Variants in VNN1 observed in about 807,000 individuals in gnomAD.
The protein encoded by VNN1 is pantetheinase.
In VNN1, 29 loss-of-function variants were observed where a neutral mutation model predicts 41.9. The ratio of observed to expected loss-of-function variants is 0.69; its 90% confidence interval spans 0.52 to 0.94. The LOEUF (loss-of-function observed/expected upper bound fraction) is 0.94, where lower values mean the gene tolerates loss of function less well. Among genes scored for constraint, VNN1 ranks in the 40% least tolerant of loss-of-function variants. The pLI is 0.00. For synonymous variants in VNN1, 233 were observed against 224.4 expected (o/e 1.04, Z -0.34); for missense variants, 637 against 621.1 (o/e 1.03, Z -0.27).
rs538293191 is a variant in VNN1 at position 132,711,916 on chromosome 6, T to C, written c.211-77A>G. On this transcript the variant is annotated intron_variant, in intron 1 of 6. Transcript: ENST00000367928. ...AGCTGAGTGGCTGAGTAACAACTAT[T>C]TGGGCTTCCCCCACACCCCTTAAAT... The C allele has an allele frequency of 6.8e-5, 103 of 1,523,094 alleles. No homozygotes were observed. The East Asian group carries it at 1.1e-3, about 17-fold the overall frequency. The allele number at this position is 1,523,094 out of a possible 1,614,324, so 94.3% of individuals were successfully genotyped here.
chr6:132,697,424 T>G (rs951644858), intron 2 of VNN1, among the ~76,000 whole-genome samples: 1 of 152,162 alleles, frequency 6.6e-6, no homozygotes, highest in African/African-American at 2.4e-5. Context: ...CCAGCTAGTA[T>G]GAAACAATGG....
intron 2 of VNN1, among the ~76,000 whole-genome samples, chr6:132,707,900 A>G (rs113317536): frequency 0.019 from 2,886 of 152,288 alleles, 101 homozygotes; most frequent in African/African-American, 0.066. Context: ...ATAATAACTT[A>G]ATTGTACATT....
chr6:132,706,729 T>C (rs112966542), intron 2 of VNN1, among the ~76,000 whole-genome samples: 1,541 of 152,058 alleles, frequency 0.01, 30 homozygotes, highest in African/African-American at 0.035. Flanking sequence ...AACCCACAGA[T>C]TGGGATAAAA....
rs186893777 is a variant in VNN1, at chr6:132,703,381, T to C, written c.341+8328A>G. Among the ~76,000 whole-genome samples the C allele has an allele frequency of 5.5e-3, 833 of 151,010 alleles. 3 individuals carry two copies. The highest frequency in any genetic ancestry group is 8.5e-3 in the Non-Finnish European group (576 of 67,464). On this transcript the variant is annotated intron_variant, in intron 2 of 6. Coordinates refer to ENST00000367928, the MANE Select transcript of VNN1 (RefSeq NM_004666.3). Reference sequence around the variant, plus strand: ...AGACATAGACAGTATAAGATATAAATAGAAAGTATTAAAAATTAAAAGTAT... The same window carrying C: ...AGACATAGACAGTATAAGATATAAACAGAAAGTATTAAAAATTAAAAGTAT...
intron 2 of VNN1, among the ~76,000 whole-genome samples, chr6:132,706,066 T>C (rs1232048314): frequency 6.6e-6 from 1 of 152,164 alleles, no homozygotes; most frequent in Non-Finnish European, 1.5e-5. Flanking sequence ...AGAATCAATA[T>C]TGTTAAAATG....
At chr6:132,688,735 G>T (rs148574188) in intron 5 of VNN1, among the ~76,000 whole-genome samples, 2 of 151,998 alleles carry the variant, frequency 1.3e-5, no homozygotes, top group African/African-American at 2.4e-5. Context: ...ATAACATATG[G>T]TATATGGTAA....
intron 3 of VNN1, among the ~76,000 whole-genome samples, chr6:132,693,667 G>A (rs756893965): frequency 3.5e-4 from 53 of 152,314 alleles, no homozygotes; most frequent in East Asian, 5.8e-4. Flanking sequence ...TATGTGGTAA[G>A]CAGTTTTTCA....
intron 2 of VNN1, among the ~76,000 whole-genome samples, chr6:132,704,745 C>A (rs968878602): frequency 8.7e-5 from 13 of 148,906 alleles, no homozygotes; most frequent in African/African-American, 3.0e-4. Context: ...AAAAAACATC[C>A]AAAAAAAACT....
At position 132,693,075 on chromosome 6, in the gene VNN1, T is replaced by C; in HGVS notation, c.775A>G (p.Arg259Gly). Reference protein sequence around the residue: ...EFHSAWAMGMRVNFLASNIHY... With the variant: ...EFHSAWAMGMGVNFLASNIHY... ...ATGTTGGATGCAAGGAAATTGACCC[T>C]CATGCCCATAGCCCAAGCTGAGTGG... Residue 259 changes from arginine to glycine, a missense_variant, in exon 4 of 7, where the codon AGG becomes GGG. Coordinates refer to ENST00000367928, the MANE Select transcript of VNN1 (RefSeq NM_004666.3). 1 of 1,613,980 alleles carries C rather than the reference T, an allele frequency of 6.2e-7. No individual in the cohort carries two copies. The highest frequency in any genetic ancestry group is 1.3e-5 in the African/African-American group (1 of 75,036).
chr6:132,690,900 C>T (rs1778272907), intron 5 of VNN1, among the ~76,000 whole-genome samples: 2 of 152,172 alleles, frequency 1.3e-5, no homozygotes, highest in Admixed American at 6.5e-5. Flanking sequence ...CTTAACTCAT[C>T]TGGAGAGGTA....
intron 5 of VNN1, among the ~76,000 whole-genome samples, chr6:132,690,386 C>A (rs953692369): frequency 3.3e-5 from 5 of 152,190 alleles, no homozygotes; most frequent in African/African-American, 7.2e-5. Context: ...CTGTTCCCTG[C>A]AGACCCTGCT....
chr6:132,709,903 A>G (rs536903493), intron 2 of VNN1, among the ~76,000 whole-genome samples: 1 of 152,330 alleles, frequency 6.6e-6, no homozygotes, highest in East Asian at 1.9e-4. Flanking sequence ...AAACTGAAGC[A>G]CTGACATATG....
Position 132,711,711 on chromosome 6 carries a change from G to T in VNN1, c.339C>A (p.Asn113Lys), listed in dbSNP as rs750577769. The T allele has an allele frequency of 2.1e-5, 34 of 1,609,260 alleles. No homozygotes were observed. The highest frequency in any genetic ancestry group is 2.7e-5 in the Non-Finnish European group (32 of 1,178,746). The change falls in exon 2 of 7, where the codon AAC becomes AAA. Residue 113 changes from asparagine to lysine, a missense_variant and splice_region_variant. Coordinates refer to ENST00000367928, the MANE Select transcript of VNN1 (RefSeq NM_004666.3). ...TTTTTCACAAGTTGTTTCTTTACCT[G>T]TTACGATTATTACAGGGGATCCAGT... ...EVNWIPCNNR[N>K]RFGQTPVQER...
At chr6:132,700,101 A>G (rs1183930608) in intron 2 of VNN1, among the ~76,000 whole-genome samples, 3 of 152,228 alleles carry the variant, frequency 2.0e-5, no homozygotes, top group Non-Finnish European at 4.4e-5. Context: ...GAAACTATTC[A>G]TATGTAAGCA....
intron 2 of VNN1, chr6:132,699,463 C>T (rs1778420639): frequency 6.2e-6 from 1 of 161,756 alleles, no homozygotes; most frequent in Admixed American, 6.5e-5. Context: ...AGAATGTCTT[C>T]AGAAACATTC....
Position 132,682,026 on chromosome 6 carries a change from G to A in VNN1, c.*1114C>T, listed in dbSNP as rs1778131787. 2 of 152,204 alleles carry A rather than the reference G, an allele frequency of 1.3e-5. No homozygotes were observed. 9.4% of individuals were successfully genotyped at this position (152,204 alleles called of 1,614,324 possible). On this transcript the variant is annotated 3_prime_UTR_variant, in exon 7 of 7. Transcript: ENST00000367928. ...TATCAGTCAGTTGGGAGATATTTTGGCTTAAATGATGTTGTTTCACTGAGT... is the reference window on the plus strand; with the variant it reads ...TATCAGTCAGTTGGGAGATATTTTGACTTAAATGATGTTGTTTCACTGAGT...
chr6:132,686,358 G>T (rs1310012736), intron 5 of VNN1, among the ~76,000 whole-genome samples: 3 of 152,154 alleles, frequency 2.0e-5, no homozygotes, highest in African/African-American at 7.2e-5. Context: ...TGAGGCAGGA[G>T]AATTGCTTGA....
In VNN1 at chr6:132,692,339, G is replaced by T; in HGVS notation, c.1072C>A (p.Gln358Lys). The T allele has an allele frequency of 1.9e-6, 3 of 1,614,162 alleles. No individual in the cohort carries two copies. The highest frequency in any genetic ancestry group is 1.7e-6 in the Non-Finnish European group (2 of 1,180,016). Residue 358 changes from glutamine (Q) to lysine (K), a missense_variant, in exon 5 of 7, where the codon CAG becomes AAG. Transcript: ENST00000367928. ...CTTAAATGACAGCAGAGATCTTTCT[G>T]ACAAACTGTATAATTTCCTGCAACT... ...TGVAGNYTVC[Q>K]KDLCCHLSYK...
At chr6:132,701,419 T>C (rs895079961) in intron 2 of VNN1, among the ~76,000 whole-genome samples, 2 of 152,206 alleles carry the variant, frequency 1.3e-5, no homozygotes, top group African/African-American at 4.8e-5. Flanking sequence ...ATGGCGTATA[T>C]GTCAGCACCT....
Sources: allele counts gnomAD v4.1 joint callset (sites outside exome capture counted in the v4.1 genomes callset), GRCh38; gene constraint gnomAD v4.1.1; transcripts MANE v1.5; gene names NCBI Gene and HGNC (gene_info 2026-07-23, HGNC 2026-07-21).